The following DOCK8 variants were observed in gnomAD, a reference collection of about 807,000 sequenced individuals.
DOCK8 encodes the protein dedicator of cytokinesis 8.
DOCK8 carries 141 observed loss-of-function variants against 245.6 expected under a neutral mutation model. The ratio of observed to expected loss-of-function variants is 0.57; its 90% CI spans 0.50 to 0.66. DOCK8 has a LOEUF of 0.66. DOCK8 is among the 30% of genes least tolerant of loss of function. DOCK8 has a pLI of 0.00. For synonymous variants in DOCK8, 1,168 were observed against 970.2 expected, an observed-to-expected ratio of 1.20 and a Z score of -3.79; for missense variants, 2,965 against 2,603.4, an observed-to-expected ratio of 1.14 and a Z score of -3.02.
rs140509772 is a variant in DOCK8 at position 301,414 on chromosome 9, C to T, written c.405-3167C>T. Among the ~76,000 whole-genome samples, 351 of 152,320 alleles carry T rather than the reference C, an allele frequency of 2.3e-3. 2 individuals carry two copies. The highest frequency in any genetic ancestry group is 7.8e-3 in the African/African-American group (324 of 41,578). On this transcript the variant is annotated intron_variant, in intron 4 of 47. Coordinates refer to ENST00000432829, the MANE Select transcript of DOCK8 (RefSeq NM_203447.4). ...ATACTGAGTGGGCAAAAGCTGGAAG[C>T]GTTCCTCTTGAGAACTGGAACAAAA...
intron 2 of DOCK8, among the ~76,000 whole-genome samples, chr9:282,018 TTA>T (rs1245282403): frequency 6.6e-6 from 1 of 152,218 alleles, no homozygotes; most frequent in Non-Finnish European, 1.5e-5. Flanking sequence ...CCTCGAGAGT[TTA>T]TGACTTTATC....
intron 14 of DOCK8, among the ~76,000 whole-genome samples, chr9:363,673 T>C (rs1324778827): frequency 6.6e-6 from 1 of 152,138 alleles, no homozygotes; most frequent in Non-Finnish European, 1.5e-5. Flanking sequence ...CTTCAAAAAA[T>C]GGGATGTTGG....
chr9:422,019 A>G (rs2131648240), intron 32 of DOCK8, 29 bp from the exon 33 acceptor site: 2 of 1,580,116 alleles, frequency 1.3e-6, no homozygotes, highest in Middle Eastern at 1.7e-4. Context: ...TGCTAATCAA[A>G]TTCCTATCAT....
At chr9:401,341 A>G (rs2055090861) in intron 26 of DOCK8, among the ~76,000 whole-genome samples, 1 of 152,152 alleles carries the variant, frequency 6.6e-6, no homozygotes, top group Non-Finnish European at 1.5e-5. Context: ...GAGAACAGCC[A>G]TAGGCCTGCA....
At chr9:375,856 G>A (rs2053491892) in intron 18 of DOCK8, among the ~76,000 whole-genome samples, 1 of 152,134 alleles carries the variant, frequency 6.6e-6, no homozygotes, top group Admixed American at 6.5e-5. Flanking sequence ...AATTAGTTGG[G>A]TGTGGTGGTG....
intron 14 of DOCK8, among the ~76,000 whole-genome samples, chr9:355,236 G>A (rs1446705804): frequency 1.0e-4 from 13 of 125,618 alleles, no homozygotes; most frequent in South Asian, 2.5e-4. Flanking sequence ...ACAGAGTCTC[G>A]CTCTGTCACC....
intron 44 of DOCK8, 45 bp downstream of exon 44, chr9:446,651 G>A (rs765361563): frequency 5.0e-6 from 8 of 1,591,876 alleles, no homozygotes; most frequent in African/African-American, 1.3e-5. Context: ...AGTGGGCTGG[G>A]TGGCCTCCCA....
intron 37 of DOCK8, among the ~76,000 whole-genome samples, chr9:433,366 C>G (rs2056785812): frequency 1.3e-5 from 2 of 152,150 alleles, no homozygotes; most frequent in South Asian, 2.1e-4. Context: ...GCCATAGTCT[C>G]TCCCTGTTTT....
chr9:246,237 C>G (rs62531305), intron 1 of DOCK8, among the ~76,000 whole-genome samples: 1 of 151,826 alleles, frequency 6.6e-6, no homozygotes, highest in Non-Finnish European at 1.5e-5. Context: ...AAATGGGCAT[C>G]TGGCCAGGTG....
intron 6 of DOCK8, chr9:312,986 C>T (rs990984990): frequency 6.5e-6 from 1 of 153,118 alleles, no homozygotes; most frequent in Non-Finnish European, 1.5e-5. Flanking sequence ...TCTATCCATC[C>T]ATGCCTCTAA....
intron 26 of DOCK8, among the ~76,000 whole-genome samples, chr9:403,133 C>A (rs1005676446): frequency 1.3e-5 from 2 of 152,174 alleles, no homozygotes; most frequent in African/African-American, 4.8e-5. Flanking sequence ...AAGTGATCTG[C>A]CTGCCTCTGC....
chr9:221,633 G>A (rs1180287096), intron 1 of DOCK8, among the ~76,000 whole-genome samples: 3 of 149,428 alleles, frequency 2.0e-5, no homozygotes, highest in South Asian at 2.1e-4. Flanking sequence ...CCAACATGGT[G>A]AAACCCCATC....
At chr9:420,899 C>G in intron 31 of DOCK8, 50 bp from the exon 32 acceptor site, 2 of 1,610,932 alleles carry the variant, frequency 1.2e-6, no homozygotes, top group Non-Finnish European at 1.7e-6. Context: ...CTCTCCCCAT[C>G]AACGGAGATC....
At chr9:283,525 G>A (rs1458033978) in intron 2 of DOCK8, among the ~76,000 whole-genome samples, 1 of 152,060 alleles carries the variant, frequency 6.6e-6, no homozygotes, top group African/African-American at 2.4e-5. Context: ...TATTCATTCA[G>A]GAATCTAGCA....
At chr9:238,307 A>G (rs2047305897) in intron 1 of DOCK8, among the ~76,000 whole-genome samples, 2 of 152,342 alleles carry the variant, frequency 1.3e-5, no homozygotes, top group South Asian at 4.1e-4. Flanking sequence ...AAAGCGTGAA[A>G]ATGCTACACA....
rs550223974 is a variant in DOCK8, at chr9:438,146, A to G, written c.5080-1099A>G. 1.4e-4 allele frequency among the ~76,000 whole-genome samples: 22 copies of G among 152,360 alleles called. No individual in the cohort carries two copies. In the South Asian group the frequency reaches 4.1e-3, roughly 29 times the overall value. ...TGCATGTGAAGAGATAGGGCTATCT[A>G]TGACAACTATGTCCTGACTGATTGC... On this transcript the variant is annotated intron_variant, in intron 39 of 47. Transcript: ENST00000432829.
At chr9:436,357 A>G (rs146846663) in intron 39 of DOCK8, among the ~76,000 whole-genome samples, 1 of 152,384 alleles carries the variant, frequency 6.6e-6, no homozygotes, top group African/African-American at 2.4e-5. Flanking sequence ...AGAAAGTTAT[A>G]AAAGTTATTT....
intron 6 of DOCK8, among the ~76,000 whole-genome samples, chr9:313,559 A>C (rs1367035207): frequency 6.6e-6 from 1 of 152,222 alleles, no homozygotes; most frequent in Non-Finnish European, 1.5e-5. Flanking sequence ...GAATCTAAAA[A>C]AGTGGATCTC....
chr9:449,810 C>T lies in DOCK8; in HGVS notation c.5844C>T (p.Ala1948=), dbSNP rs1407130785. ...EEFVLTPIEV[A]IEDMKKKTLQ... is the part of the protein sequence containing the mutation. Reference sequence around the variant, plus strand: ...TTGTTTTGACACCGATTGAAGTTGCCATTGAAGACATGAAGAAGAAGACCC... The same window carrying T: ...TTGTTTTGACACCGATTGAAGTTGCTATTGAAGACATGAAGAAGAAGACCC... The change falls in exon 45 of 48, where the codon GCC becomes GCT. Residue 1948 remains alanine (A), a synonymous_variant. Transcript: ENST00000432829. The T allele has an allele frequency of 1.9e-6, 3 of 1,613,106 alleles. No individual in the cohort carries two copies. Among genetic ancestry groups the T allele is most frequent in the Non-Finnish European group, 2.5e-6 (3 of 1,180,020 alleles).
Sources: gnomAD v4.1 joint callset for allele counts (sites outside exome capture counted in the v4.1 genomes callset) on GRCh38, gnomAD v4.1.1 for gene constraint, MANE v1.5 for transcripts, NCBI Gene and HGNC (gene_info 2026-07-23, HGNC 2026-07-21) for gene names.